Variants in PAX1 observed in about 807,000 individuals in gnomAD.
PAX1 encodes the protein paired box protein Pax-1.
In PAX1, 18 loss-of-function variants were observed where a neutral mutation model predicts 35.6. The ratio of observed to expected loss-of-function variants is 0.50; its 90% CI spans 0.35 to 0.75. PAX1 has a LOEUF of 0.75. Among genes scored for constraint, PAX1 ranks in the 30% least tolerant of loss-of-function variants. The probability of loss-of-function intolerance (pLI) is 0.01; values close to 1 mark genes in which losing one functional copy is unlikely to be tolerated. For synonymous variants in PAX1, 397 were observed against 305.2 expected (o/e 1.30, Z -3.14); for missense variants, 760 against 661.5 (o/e 1.15, Z -1.63).
At chr20:21,707,518 T>A (rs1985057533) in intron 2 of PAX1, among the ~76,000 whole-genome samples, 1 of 152,126 alleles carries the variant, frequency 6.6e-6, no homozygotes, top group Admixed American at 6.5e-5. Context: ...GTCGATTGAG[T>A]GGCCTACATC....
At position 21,706,395 on chromosome 20, in the gene PAX1, G is replaced by C. The variant is rs142053179; in HGVS notation, c.287-43G>C. The C allele has an allele frequency of 5.6e-6, 9 of 1,608,022 alleles. No individual in the cohort carries two copies. The highest frequency in any genetic ancestry group is 5.0e-5 in the Admixed American group (3 of 60,020). On this transcript the variant is annotated intron_variant, in intron 1 of 4. Transcript: ENST00000613128. The surrounding 1 kb of genome is among the most constrained non-coding windows in gnomAD (Gnocchi z 5.3). ...GGGACCCTTGGCTAACCCGCCGGGT[G>C]TTTTCTCCCCCTCCGGCTCACTCTT... is the stretch of plus-strand genomic sequence containing the variant.
Position 21,714,856 on chromosome 20 carries a change from C to T in PAX1, c.*294C>T, listed in dbSNP as rs1985317205. 2.1e-6 allele frequency: 3 copies of T among 1,458,956 alleles called. No individual in the cohort carries two copies. The highest frequency in any genetic ancestry group is 2.8e-6 in the Non-Finnish European group (3 of 1,053,838). 90.4% of individuals were successfully genotyped at this position (1,458,956 alleles called of 1,614,324 possible). On this transcript the variant is annotated 3_prime_UTR_variant, in exon 5 of 5. Transcript: ENST00000613128. ...CTCTGACGTGGCCTCCTTCGCTCTGCCAGCTTCAAATTTCTTTTTTGTCAC... is the reference window on the plus strand; with the variant it reads ...CTCTGACGTGGCCTCCTTCGCTCTGTCAGCTTCAAATTTCTTTTTTGTCAC...
At position 21,706,321 on chromosome 20, in the gene PAX1, A is replaced by C; in HGVS notation, c.287-117A>C. On this transcript the variant is annotated intron_variant, in intron 1 of 4. Coordinates refer to ENST00000613128, the MANE Select transcript of PAX1 (RefSeq NM_001257096.2). This position sits in a 1 kb window ranked among gnomAD's most constrained non-coding sequence, Gnocchi z 5.3. ...TGGACTCCGAGCTGTCTGGGGACCC[A>C]CAGGTCACCTTTGGAAGTGCGCCTG... 1 of 1,386,216 alleles carries C rather than the reference A, an allele frequency of 7.2e-7. No homozygotes were observed. Among genetic ancestry groups the C allele is most frequent in the East Asian group, 2.3e-5 (1 of 43,426 alleles). The allele number at this position is 1,386,216 out of a possible 1,614,324, so 85.9% of individuals were successfully genotyped here. A position where few individuals can be genotyped will look rare whatever the true frequency, so the allele number is the denominator to read the frequency against.
intron 4 of PAX1, 118 bp from the exon 5 acceptor site, chr20:21,714,353 C>A: frequency 1.4e-6 from 1 of 717,670 alleles, no homozygotes; most frequent in Non-Finnish European, 2.2e-6. Flanking sequence ...TTCACTCTTC[C>A]AGAGCCTTCA....
Position 21,706,019 on chromosome 20 carries a change from A to T in PAX1, c.286+21A>T. On this transcript the variant is annotated intron_variant, in intron 1 of 4. Coordinates refer to ENST00000613128, the MANE Select transcript of PAX1 (RefSeq NM_001257096.2). The surrounding 1 kb of genome is among the most constrained non-coding windows in gnomAD (Gnocchi z 5.3). Reference sequence around the variant, plus strand: ...TATGGGTAAGGGGCGGGCGACAGGCAGGGCTCGGGAGGGCTGATGAGGTGG... The same window carrying T: ...TATGGGTAAGGGGCGGGCGACAGGCTGGGCTCGGGAGGGCTGATGAGGTGG... 6.9e-7 allele frequency: 1 copy of T among 1,452,038 alleles called. No individual in the cohort carries two copies. The highest frequency in any genetic ancestry group is 9.0e-7 in the Non-Finnish European group (1 of 1,109,264). The allele number at this position is 1,452,038 out of a possible 1,614,324, so 89.9% of individuals were successfully genotyped here.
Position 21,714,598 on chromosome 20 carries a change from G to T in PAX1, c.*36G>T, listed in dbSNP as rs752368901. 5.8e-6 allele frequency: 9 copies of T among 1,560,686 alleles called. No individual in the cohort carries two copies. Among genetic ancestry groups the T allele is most frequent in the Non-Finnish European group, 6.9e-6 (8 of 1,156,138 alleles). ...CCCCGGACCCGAGCCCGGAGGGAACGGCAGGCGGACCCGGGCGCACAGGTC... is the reference window on the plus strand; with the variant it reads ...CCCCGGACCCGAGCCCGGAGGGAACTGCAGGCGGACCCGGGCGCACAGGTC... On this transcript the variant is annotated 3_prime_UTR_variant, in exon 5 of 5. Transcript: ENST00000613128.
Position 21,717,847 on chromosome 20 carries a change from AG to A in PAX1, c.*3286del, listed in dbSNP as rs1985422460. 1 of 152,228 alleles carries A rather than the reference AG, an allele frequency of 6.6e-6. No individual in the cohort carries two copies. 9.4% of individuals were successfully genotyped at this position (152,228 alleles called of 1,614,324 possible). On this transcript the variant is annotated 3_prime_UTR_variant, in exon 5 of 5. Coordinates refer to ENST00000613128, the MANE Select transcript of PAX1 (RefSeq NM_001257096.2). ...CAGAAACATTAAAATGAAAAGTGGAAGTTCTTCCTGCTCTCATTTTTGTTCT... is the reference window on the plus strand; with the variant it reads ...CAGAAACATTAAAATGAAAAGTGGAATTCTTCCTGCTCTCATTTTTGTTCT...
chr20:21,709,524 A>G, intron 4 of PAX1, 80 bp downstream of exon 4: 1 of 1,133,300 alleles, frequency 8.8e-7, no homozygotes, highest in Non-Finnish European at 1.2e-6. Context: ...AGCCTGGGAA[A>G]AGGGAGAGCG....
chr20:21,714,724 C>A lies in PAX1; in HGVS notation c.*162C>A. 6.2e-7 allele frequency: 1 copy of A among 1,605,152 alleles called. No individual in the cohort carries two copies. Among genetic ancestry groups the A allele is most frequent in the Non-Finnish European group, 8.5e-7 (1 of 1,179,840 alleles). The stretch of plus-strand genomic sequence containing the variant: ...GGTGCACGCCCAGCCAGCCCCCAGG[C>A]CCAGCCCTGCCTCTGGCCGGACCCA... On this transcript the variant is annotated 3_prime_UTR_variant, in exon 5 of 5. Transcript: ENST00000613128.
In PAX1 at chr20:21,705,796, G is replaced by A. The variant is rs548440049; in HGVS notation, c.84G>A (p.Ala28=). Reference sequence around the variant, plus strand: ...CAGCGGCGGCGGCAGGCCCTGGAGCGGGCGGCAGCGCGCTCCGCTGCCGCG... The same window carrying A: ...CAGCGGCGGCGGCAGGCCCTGGAGCAGGCGGCAGCGCGCTCCGCTGCCGCG... The part of the protein sequence containing the change: ...GAAAAAAGPG[A]GGSALRCRAQ... Residue 28 remains alanine (A), a synonymous_variant, in exon 1 of 5, where the codon GCG becomes GCA. Coordinates refer to ENST00000613128, the MANE Select transcript of PAX1 (RefSeq NM_001257096.2). The A allele has an allele frequency of 1.6e-6, 2 of 1,278,928 alleles. No individual in the cohort carries two copies. The highest frequency in any genetic ancestry group is 4.2e-5 in the Admixed American group (1 of 23,580). The allele number at this position is 1,278,928 out of a possible 1,614,324, so 79.2% of individuals were successfully genotyped here.
rs981794354 is a variant in PAX1, at chr20:21,717,395, C to A, written c.*2833C>A. The A allele has an allele frequency of 6.6e-6, 1 of 152,270 alleles. No homozygotes were observed. Among genetic ancestry groups the A allele is most frequent in the Admixed American group, 6.5e-5 (1 of 15,288 alleles). 9.4% of individuals were successfully genotyped at this position (152,270 alleles called of 1,614,324 possible). On this transcript the variant is annotated 3_prime_UTR_variant, in exon 5 of 5. Coordinates refer to ENST00000613128, the MANE Select transcript of PAX1 (RefSeq NM_001257096.2). ...GTAGCCTTCAATGCAGTAACGCGCA[C>A]GGTGACCTGGCCTGTAGGAAGACTG...
At position 21,716,506 on chromosome 20, in the gene PAX1, C is replaced by CTTTTTTT. The variant is rs72279045; in HGVS notation, c.*1957_*1963dup. 8.3e-6 allele frequency: 1 copy of CTTTTTTT among 120,022 alleles called. No homozygotes were observed. The highest frequency in any genetic ancestry group is 1.8e-5 in the Non-Finnish European group (1 of 54,142). 7.4% of individuals were successfully genotyped at this position (120,022 alleles called of 1,614,324 possible). On this transcript the variant is annotated 3_prime_UTR_variant, in exon 5 of 5. Coordinates refer to ENST00000613128, the MANE Select transcript of PAX1 (RefSeq NM_001257096.2). ...TCTTCTCAGATTCAAAGTCTCTTGT[C>CTTTTTTT]TTTTTTTTTTTTTTTTTTTAAAGTT...
chr20:21,708,961 A>C (rs535439131), intron 3 of PAX1, among the ~76,000 whole-genome samples: 1 of 152,336 alleles, frequency 6.6e-6, no homozygotes, highest in East Asian at 1.9e-4. Flanking sequence ...ATCCACAGTC[A>C]AGGGCCTTCT....
At position 21,707,052 on chromosome 20, in the gene PAX1, T is replaced by C. The variant is rs776560755; in HGVS notation, c.901T>C (p.Phe301Leu). Residue 301 changes from phenylalanine to leucine, a missense_variant, in exon 2 of 5, where the codon TTT becomes CTT. By Grantham distance (22) the Phe-to-Leu change is conservative. Around this residue, in one of 3 missense-constraint regions of PAX1, gnomAD observed 490 missense variants for 428.4 expected, o/e 1.14. Coordinates refer to ENST00000613128, the MANE Select transcript of PAX1 (RefSeq NM_001257096.2). ...CAGCAACATCCTGGGCATCCGGACG[T>C]TTATGGAGCAAACAGGTCAGTTGTG... ...SVSNILGIRT[F>L]MEQTGALAGS... is the part of the protein sequence containing the mutation. 2 of 1,612,884 alleles carry C rather than the reference T, an allele frequency of 1.2e-6. No individual in the cohort carries two copies. The highest frequency in any genetic ancestry group is 1.1e-5 in the South Asian group (1 of 91,072).
chr20:21,705,698 A>T lies in PAX1; in HGVS notation c.-15A>T. On this transcript the variant is annotated 5_prime_UTR_variant, in exon 1 of 5. Coordinates refer to ENST00000613128, the MANE Select transcript of PAX1 (RefSeq NM_001257096.2). ...ACGCTGCAGCCTCCCGGTCAGACGAATTTCTCCCAATCGGATGAAGTTCAC... is the reference window on the plus strand; with the variant it reads ...ACGCTGCAGCCTCCCGGTCAGACGATTTTCTCCCAATCGGATGAAGTTCAC... The T allele has an allele frequency of 8.1e-7, 1 of 1,238,868 alleles. No homozygotes were observed. The highest frequency in any genetic ancestry group is 1.0e-6 in the Non-Finnish European group (1 of 983,018). The allele number at this position is 1,238,868 out of a possible 1,614,324, so 76.7% of individuals were successfully genotyped here. A position where few individuals can be genotyped will look rare whatever the true frequency, so the allele number is the denominator to read the frequency against.
At chr20:21,714,332 C>G in intron 4 of PAX1, 139 bp from the exon 5 acceptor site, 1 of 634,172 alleles carries the variant, frequency 1.6e-6, no homozygotes, top group South Asian at 2.0e-5. Flanking sequence ...CTGGAGAGCG[C>G]GAGTCTCTGC....
At position 21,705,910 on chromosome 20, in the gene PAX1, C is replaced by A; in HGVS notation, c.198C>A (p.Gly66=). 1 of 1,404,808 alleles carries A rather than the reference C, an allele frequency of 7.1e-7. No individual in the cohort carries two copies. The highest frequency in any genetic ancestry group is 9.2e-7 in the Non-Finnish European group (1 of 1,082,602). 87.0% of individuals were successfully genotyped at this position (1,404,808 alleles called of 1,614,324 possible). A position where few individuals can be genotyped will look rare whatever the true frequency, so the allele number is the denominator to read the frequency against. ...LPLCLSRGGG[G]AQALPDCAGP... Reference sequence around the variant, plus strand: ...TATGCCTCTCACGCGGCGGCGGCGGCGCCCAAGCTCTCCCGGACTGCGCCG... The same window carrying A: ...TATGCCTCTCACGCGGCGGCGGCGGAGCCCAAGCTCTCCCGGACTGCGCCG... The change falls in exon 1 of 5, where the codon GGC becomes GGA. Residue 66 remains glycine (G), a synonymous_variant. Transcript: ENST00000613128.
At chr20:21,713,589 C>T (rs751997342) in intron 4 of PAX1, among the ~76,000 whole-genome samples, 3 of 152,110 alleles carry the variant, frequency 2.0e-5, no homozygotes, top group Non-Finnish European at 4.4e-5. Flanking sequence ...AAAATAGGCC[C>T]CTGTAGGTAT....
At position 21,715,357 on chromosome 20, in the gene PAX1, A is replaced by G. The variant is rs555696822; in HGVS notation, c.*795A>G. 1 of 154,356 alleles carries G rather than the reference A, an allele frequency of 6.5e-6. No individual in the cohort carries two copies. Among genetic ancestry groups the G allele is most frequent in the South Asian group, 2.0e-4 (1 of 4,942 alleles). 9.6% of individuals were successfully genotyped at this position (154,356 alleles called of 1,614,324 possible). ...AGTGGACAGAAAAGCCACAGCCTTTATTTTGTATTTTTTTTGTAATAACAA... is the reference window on the plus strand; with the variant it reads ...AGTGGACAGAAAAGCCACAGCCTTTGTTTTGTATTTTTTTTGTAATAACAA... On this transcript the variant is annotated 3_prime_UTR_variant, in exon 5 of 5. Coordinates refer to ENST00000613128, the MANE Select transcript of PAX1 (RefSeq NM_001257096.2).
Sources: gnomAD v4.1 joint callset for allele counts (sites outside exome capture counted in the v4.1 genomes callset) on GRCh38, gnomAD v4.1.1 for gene constraint, gnomAD v4.1.1 regional missense constraint, Gnocchi (gnomAD v3.1) non-coding constraint, MANE v1.5 for transcripts, NCBI Gene and HGNC (gene_info 2026-07-23, HGNC 2026-07-21) for gene names.